The following PCP4 variants were observed in gnomAD, a reference collection of about 807,000 sequenced individuals.
PCP4 encodes the protein calmodulin regulator protein PCP4.
PCP4 carries 8 observed loss-of-function variants against 10.0 expected under a neutral mutation model. The observed-to-expected ratio is 0.80, with a 90% CI of 0.47 to 1.45. The LOEUF is 1.45. Ranked by LOEUF, PCP4 falls within the 40% of genes most tolerant of loss-of-function variation. The pLI, the probability that PCP4 is intolerant of heterozygous loss-of-function variation, is 0.00. For missense variants in PCP4, 54 were observed against 74.4 expected (o/e 0.73, Z 1.01); for synonymous variants, 21 against 23.0 (o/e 0.91, Z 0.24).
intron 1 of PCP4, among the ~76,000 whole-genome samples, chr21:39,877,130 A>G (rs2087350269): frequency 6.6e-6 from 1 of 152,200 alleles, no homozygotes; most frequent in Non-Finnish European, 1.5e-5. Flanking sequence ...TCTGGATACA[A>G]CCTAATTTCT....
chr21:39,882,990 AC>A lies in PCP4; in HGVS notation c.9+15481del, dbSNP rs536931291. Among the ~76,000 whole-genome samples the A allele has an allele frequency of 6.8e-4, 103 of 152,292 alleles. 2 individuals are homozygous for A. In the Middle Eastern group the frequency reaches 0.017, roughly 25 times the overall value. On this transcript the variant is annotated intron_variant, in intron 1 of 2. Coordinates refer to ENST00000328619, the MANE Select transcript of PCP4 (RefSeq NM_006198.3). ...TCTCTTTGCCTTTGTCCGAGAGCCC[AC>A]TGTTATTTTTTTTCTAATCACAGCA...
chr21:39,902,808 C>T (rs1367232585), intron 2 of PCP4, among the ~76,000 whole-genome samples: 1 of 152,074 alleles, frequency 6.6e-6, no homozygotes, highest in Non-Finnish European at 1.5e-5. Flanking sequence ...AGCAAAGCAC[C>T]TTCATCATTT....
At chr21:39,889,465 G>A (rs1241348037) in intron 1 of PCP4, among the ~76,000 whole-genome samples, 3 of 135,394 alleles carry the variant, frequency 2.2e-5, no homozygotes, top group Non-Finnish European at 4.6e-5. Context: ...CACCCAGGCT[G>A]CAGTACCGTG....
At chr21:39,885,858 G>A (rs1394607003) in intron 1 of PCP4, among the ~76,000 whole-genome samples, 2 of 152,228 alleles carry the variant, frequency 1.3e-5, no homozygotes, top group East Asian at 1.9e-4. Context: ...TCTGCGGGCA[G>A]CTTAAACAAC....
intron 2 of PCP4, among the ~76,000 whole-genome samples, chr21:39,912,469 C>A (rs78302667): frequency 1.3e-5 from 2 of 151,942 alleles, no homozygotes; most frequent in African/African-American, 4.8e-5. Flanking sequence ...GGGGATGCTC[C>A]GATGGCACCC....
intron 2 of PCP4, among the ~76,000 whole-genome samples, chr21:39,909,067 G>A (rs967674865): frequency 4.6e-5 from 7 of 152,110 alleles, no homozygotes; most frequent in African/African-American, 1.7e-4. Flanking sequence ...ATGAAATCAG[G>A]GCCCCTTTAA....
intron 1 of PCP4, among the ~76,000 whole-genome samples, chr21:39,882,665 A>G (rs1027628999): frequency 1.2e-4 from 19 of 152,174 alleles, no homozygotes; most frequent in African/African-American, 4.8e-5. Context: ...AAATGATTAC[A>G]TCGTCAGTTT....
At chr21:39,875,795 TTTTA>T (rs1194254658) in intron 1 of PCP4, among the ~76,000 whole-genome samples, 4 of 152,212 alleles carry the variant, frequency 2.6e-5, no homozygotes, top group Non-Finnish European at 5.9e-5. Flanking sequence ...CACAACAAAT[TTTTA>T]TTTATTTTAC....
chr21:39,898,040 A>T (rs1977530), intron 1 of PCP4, among the ~76,000 whole-genome samples: 3 of 133,796 alleles, frequency 2.2e-5, no homozygotes, highest in Non-Finnish European at 4.6e-5. Flanking sequence ...AGCCAGACTC[A>T]GTCTCAAAAA....
chr21:39,899,326 TAACTC>T (rs1281388319), intron 2 of PCP4, among the ~76,000 whole-genome samples: 1 of 152,214 alleles, frequency 6.6e-6, no homozygotes, highest in Non-Finnish European at 1.5e-5. Context: ...TCCTTTCTGT[TAACTC>T]AAGATGAACT....
At chr21:39,909,475 A>G (rs763015537) in intron 2 of PCP4, among the ~76,000 whole-genome samples, 1 of 152,166 alleles carries the variant, frequency 6.6e-6, no homozygotes, top group Non-Finnish European at 1.5e-5. Context: ...TTCACTAAGG[A>G]GCAGATGCTT....
At chr21:39,919,391 G>A (rs1460935628) in intron 2 of PCP4, among the ~76,000 whole-genome samples, 1 of 152,174 alleles carries the variant, frequency 6.6e-6, no homozygotes, top group African/African-American at 2.4e-5. Context: ...CCAATTGCAA[G>A]GCATACTTAA....
chr21:39,919,580 C>G (rs1180840134), intron 2 of PCP4, among the ~76,000 whole-genome samples: 1 of 152,146 alleles, frequency 6.6e-6, no homozygotes, highest in Non-Finnish European at 1.5e-5. Flanking sequence ...TCATTTCTAT[C>G]AAATCAATCT....
chr21:39,900,249 G>T (rs558485143), intron 2 of PCP4, among the ~76,000 whole-genome samples: 1 of 152,228 alleles, frequency 6.6e-6, no homozygotes, highest in East Asian at 1.9e-4. Flanking sequence ...TGGCCAGGCT[G>T]GTCTCGAACT....
intron 1 of PCP4, among the ~76,000 whole-genome samples, chr21:39,870,003 C>T (rs915391025): frequency 1.3e-4 from 20 of 152,284 alleles, no homozygotes; most frequent in Middle Eastern, 3.4e-3. Context: ...GCAGAGGCTC[C>T]GGAGCTCATT....
At chr21:39,868,461 A>G (rs2087304288) in intron 1 of PCP4, among the ~76,000 whole-genome samples, 1 of 152,164 alleles carries the variant, frequency 6.6e-6, no homozygotes, top group Admixed American at 6.5e-5. Context: ...TGTAAACATG[A>G]CAAGAAGAAG....
chr21:39,880,262 G>A (rs192008126), intron 1 of PCP4, among the ~76,000 whole-genome samples: 107 of 152,266 alleles, frequency 7.0e-4, no homozygotes, highest in African/African-American at 2.3e-3. Context: ...TCAGTGGGTG[G>A]AGGGTCTTTC....
At position 39,906,888 on chromosome 21, in the gene PCP4, G is replaced by A. The variant is rs546488536; in HGVS notation, c.61+8361G>A. On this transcript the variant is annotated intron_variant, in intron 2 of 2. Coordinates refer to ENST00000328619, the MANE Select transcript of PCP4 (RefSeq NM_006198.3). This position sits in a 1 kb window ranked among gnomAD's most constrained non-coding sequence, Gnocchi z 6.3. ...ATATTCCAGGTTTCAAATGTTTCAG[G>A]TTCTGCTTGTCAATTACTTTTATGG... is the stretch of plus-strand genomic sequence containing the variant. Among the ~76,000 whole-genome samples the A allele has an allele frequency of 1.2e-4, 19 of 152,276 alleles. No homozygotes were observed. The highest frequency in any genetic ancestry group is 4.6e-4 in the Admixed American group (7 of 15,290).
chr21:39,928,529 A>C (rs1015775587), intron 2 of PCP4, among the ~76,000 whole-genome samples: 12 of 152,216 alleles, frequency 7.9e-5, no homozygotes, highest in African/African-American at 2.4e-5. Flanking sequence ...GCAATAAGCA[A>C]ATCTTTCCTG....
Sources: gnomAD v4.1 joint callset for allele counts (sites outside exome capture counted in the v4.1 genomes callset) on GRCh38, gnomAD v4.1.1 for gene constraint, Gnocchi (gnomAD v3.1) non-coding constraint, MANE v1.5 for transcripts, NCBI Gene and HGNC (gene_info 2026-07-23, HGNC 2026-07-21) for gene names.